Variants in TMEM43 observed in about 807,000 individuals in gnomAD.
TMEM43 encodes arrhythmogenic right ventricular dysplasia 5.
A neutral mutation model predicts 49.6 loss-of-function variants in TMEM43; 45 were observed. That is an observed-to-expected ratio of 0.91 (90% CI 0.71 to 1.16). The LOEUF (loss-of-function observed/expected upper bound fraction) is 1.16, where lower values mean the gene tolerates loss of function less well. Ranked by LOEUF, TMEM43 falls within the 50% of genes most tolerant of loss-of-function variation. TMEM43 has a pLI of 0.00. For synonymous variants in TMEM43, 199 were observed against 207.8 expected (o/e 0.96, Z 0.36); for missense variants, 532 against 516.6 (o/e 1.03, Z -0.29).
intron 10 of TMEM43, 56 bp from the exon 11 acceptor site, chr3:14,139,124 G>T: frequency 1.5e-6 from 2 of 1,322,326 alleles, no homozygotes; most frequent in South Asian, 1.2e-5. Context: ...CTGCCCTGCC[G>T]ACTGGGTACG....
chr3:14,135,383 A>C (rs1695155524), intron 9 of TMEM43, 151 bp downstream of exon 9: 1 of 734,274 alleles, frequency 1.4e-6, no homozygotes, highest in East Asian at 2.7e-5. Flanking sequence ...CACGCTTCTG[A>C]GCAGTTTCAG....
chr3:14,135,976 T>A, intron 10 of TMEM43, 68 bp downstream of exon 10: 1 of 1,349,906 alleles, frequency 7.4e-7, no homozygotes, highest in Non-Finnish European at 1.1e-6. Flanking sequence ...AGTGGTTATT[T>A]AATAAGATCA....
rs1339511658 is a variant in TMEM43 at position 14,141,779 on chromosome 3, C to T, written c.1187C>T (p.Ala396Val). ...PILVARTRVP[A>V]KKLE ...CTTGTTGCTCGGACACGGGTGCCAG[C>T]CAAAAAGTTGGAGTGAAAAGACCCT... is the stretch of plus-strand genomic sequence containing the variant. The change falls in exon 12 of 12, where the codon GCC (alanine) becomes GTC (valine). Residue 396 changes from alanine to valine, a missense_variant. By Grantham distance (64) the Ala-to-Val change is moderately conservative. Transcript: ENST00000306077. 6.2e-7 allele frequency: 1 copy of T among 1,613,586 alleles called. No homozygotes were observed. The highest frequency in any genetic ancestry group is 8.5e-7 in the Non-Finnish European group (1 of 1,179,980).
intron 1 of TMEM43, chr3:14,129,072 C>CT: frequency 2.3e-6 from 1 of 432,308 alleles, no homozygotes; most frequent in South Asian, 1.7e-5. Flanking sequence ...GTAGAAGAAA[C>CT]AAACTAATCT....
At chr3:14,130,673 C>T in intron 2 of TMEM43, 149 bp from the exon 3 acceptor site, 2 of 1,034,312 alleles carry the variant, frequency 1.9e-6, no homozygotes, top group Non-Finnish European at 2.8e-6. Flanking sequence ...TTACTCTCCA[C>T]TTGCTAGACC....
At chr3:14,135,301 G>T (rs769180277) in intron 9 of TMEM43, 69 bp downstream of exon 9, 5 of 1,350,666 alleles carry the variant, frequency 3.7e-6, no homozygotes, top group Non-Finnish European at 5.2e-6. Context: ...AGACACCTTG[G>T]TCAATGTCAG....
intron 10 of TMEM43, 86 bp from the exon 11 acceptor site, chr3:14,139,094 T>C: frequency 1.0e-6 from 1 of 958,384 alleles, no homozygotes; most frequent in East Asian, 2.4e-5. Context: ...GCTCCCGAGT[T>C]GGTACAGCCC....
At chr3:14,141,096 T>C in intron 11 of TMEM43, among the ~76,000 whole-genome samples, 1 of 152,236 alleles carries the variant, frequency 6.6e-6, no homozygotes, top group Non-Finnish European at 1.5e-5. Context: ...CTTAGGCTAA[T>C]TTATTTCCTC....
Position 14,132,560 on chromosome 3 carries a change from A to T in TMEM43, c.407A>T (p.Asp136Val). 6.2e-7 allele frequency: 1 copy of T among 1,614,056 alleles called. No individual in the cohort carries two copies. Among genetic ancestry groups the T allele is most frequent in the Admixed American group, 1.7e-5 (1 of 60,012 alleles). Residue 136 changes from aspartate to valine, a missense_variant, in exon 5 of 12, where the codon GAT (aspartate) becomes GTT (valine). Transcript: ENST00000306077. ...TTTCCCTGCAGGGAGTACACCGAGGATGGGCAGGTGAAGAAGGAGACGAGG... is the reference window on the plus strand; with the variant it reads ...TTTCCCTGCAGGGAGTACACCGAGGTTGGGCAGGTGAAGAAGGAGACGAGG... Reference protein sequence around the residue: ...ETEESREYTEDGQVKKETRYS... With the variant: ...ETEESREYTEVGQVKKETRYS...
chr3:14,135,098 G>C (rs1242498092), intron 8 of TMEM43, 60 bp from the exon 9 acceptor site: 11 of 1,548,482 alleles, frequency 7.1e-6, no homozygotes, highest in Non-Finnish European at 8.0e-6. Context: ...AGGCATCCTG[G>C]ACCTGGGCCT....
chr3:14,139,913 T>C (rs1163909353), intron 11 of TMEM43, among the ~76,000 whole-genome samples: 2 of 152,118 alleles, frequency 1.3e-5, no homozygotes, highest in Non-Finnish European at 2.9e-5. Context: ...GGGATCTGAG[T>C]GCCCAGGGTG....
chr3:14,136,180 A>G (rs569717031), intron 10 of TMEM43, among the ~76,000 whole-genome samples: 22 of 152,248 alleles, frequency 1.4e-4, no homozygotes, highest in Non-Finnish European at 2.5e-4. Context: ...TTTATGTTTC[A>G]TGTATACTTT....
intron 4 of TMEM43, among the ~76,000 whole-genome samples, chr3:14,132,203 G>C (rs1430009860): frequency 6.6e-6 from 1 of 152,182 alleles, no homozygotes; most frequent in Admixed American, 6.5e-5. Flanking sequence ...AGCAGGAGAA[G>C]GGCAGCTTCA....
Position 14,142,343 on chromosome 3 carries a change from A to G in TMEM43, c.*548A>G, listed in dbSNP as rs984554594. 22 of 165,708 alleles carry G rather than the reference A, an allele frequency of 1.3e-4. No homozygotes were observed. The highest frequency in any genetic ancestry group is 6.7e-4 in the Admixed American group (12 of 18,010). 10.3% of individuals were successfully genotyped at this position (165,708 alleles called of 1,614,324 possible). A position where few individuals can be genotyped will look rare whatever the true frequency, so the allele number is the denominator to read the frequency against. On this transcript the variant is annotated 3_prime_UTR_variant, in exon 12 of 12. Coordinates refer to ENST00000306077, the MANE Select transcript of TMEM43 (RefSeq NM_024334.3). ...ACACCCAAAACACAAGTCTGTGGCT[A>G]GAACCTGATGTGGTGTTTAAAAGAG...
chr3:14,131,628 C>T lies in TMEM43; in HGVS notation c.346C>T (p.Arg116Trp), dbSNP rs752588115. The stretch of plus-strand genomic sequence containing the variant: ...GGTCCATCTTCCGGCTGTGAAACTG[C>T]GGAGGCACGTGGAGATGTACCAATG... ...YGVHLPAVKL[R>W]RHVEMYQWVE... is the part of the protein sequence containing the mutation. The change falls in exon 4 of 12, where the codon CGG becomes TGG. Residue 116 changes from arginine to tryptophan, a missense_variant. Physicochemically the swap from Arg to Trp is moderately radical, Grantham distance 101 (BLOSUM62 -3). Coordinates refer to ENST00000306077, the MANE Select transcript of TMEM43 (RefSeq NM_024334.3). 8.7e-6 allele frequency: 14 copies of T among 1,614,024 alleles called. No individual in the cohort carries two copies. The highest frequency in any genetic ancestry group is 6.7e-5 in the East Asian group (3 of 44,898).
In TMEM43 at chr3:14,143,373, C is replaced by T. The variant is rs1695279494; in HGVS notation, c.*1578C>T. Reference sequence around the variant, plus strand: ...CTTCACATGAAAAACACAGCCAGCCCAAGATGACTTATCTGGGTTTAGGAT... The same window carrying T: ...CTTCACATGAAAAACACAGCCAGCCTAAGATGACTTATCTGGGTTTAGGAT... On this transcript the variant is annotated 3_prime_UTR_variant, in exon 12 of 12. Coordinates refer to ENST00000306077, the MANE Select transcript of TMEM43 (RefSeq NM_024334.3). The T allele has an allele frequency of 6.6e-6, 1 of 152,188 alleles. No individual in the cohort carries two copies. Among genetic ancestry groups the T allele is most frequent in the Admixed American group, 6.5e-5 (1 of 15,288 alleles). 9.4% of individuals were successfully genotyped at this position (152,188 alleles called of 1,614,324 possible). A position where few individuals can be genotyped will look rare whatever the true frequency, so the allele number is the denominator to read the frequency against.
At chr3:14,136,422 G>A (rs895635475) in intron 10 of TMEM43, among the ~76,000 whole-genome samples, 1 of 152,218 alleles carries the variant, frequency 6.6e-6, no homozygotes, top group African/African-American at 2.4e-5. Flanking sequence ...AGAGGAGTGA[G>A]AGTGACAGAA....
chr3:14,132,927 A>C lies in TMEM43; in HGVS notation c.504A>C (p.Lys168Asn), dbSNP rs4685076. The C allele has an allele frequency of 6.2e-7, 1 of 1,613,560 alleles. No individual in the cohort carries two copies. The highest frequency in any genetic ancestry group is 1.7e-5 in the Admixed American group (1 of 60,008). ...SKNFDREIGH[K>N]NPSAMAVESF... ...ACTTCGACCGAGAGATTGGCCACAA[A>C]AACCCCAGGTGAGAGCCAGGCCCAA... The change falls in exon 6 of 12, where the codon AAA (lysine) becomes AAC (asparagine). Residue 168 changes from lysine to asparagine, a missense_variant. Lys to Asn is a moderately conservative substitution (Grantham distance 94, BLOSUM62 0). Coordinates refer to ENST00000306077, the MANE Select transcript of TMEM43 (RefSeq NM_024334.3).
In TMEM43 at chr3:14,135,497, G is replaced by C. The variant is rs544037411; in HGVS notation, c.780+265G>C. 2.4e-4 allele frequency among the ~76,000 whole-genome samples: 36 copies of C among 152,276 alleles called. No homozygotes were observed. In the South Asian group the frequency reaches 6.6e-3, roughly 28 times the overall value. On this transcript the variant is annotated intron_variant, in intron 9 of 11. Coordinates refer to ENST00000306077, the MANE Select transcript of TMEM43 (RefSeq NM_024334.3). ...ATGACAGGTGTTCCAGTCACACACA[G>C]ACCCTCTCCCCAAGCCCGTTTTGAT...
Sources: allele counts gnomAD v4.1 joint callset (sites outside exome capture counted in the v4.1 genomes callset), GRCh38; gene constraint gnomAD v4.1.1; transcripts MANE v1.5; gene names NCBI Gene and HGNC (gene_info 2026-07-23, HGNC 2026-07-21).